The following USP54 variants were observed in gnomAD, a reference collection of about 807,000 sequenced individuals.
The protein encoded by USP54 is ubiquitin carboxyl-terminal hydrolase 54.
A neutral mutation model predicts 170.5 loss-of-function variants in USP54; 87 were observed. The ratio of observed to expected loss-of-function variants is 0.51; its 90% CI spans 0.43 to 0.61. The LOEUF is 0.61. USP54 is among the 20% of genes least tolerant of loss of function. The pLI, the probability that USP54 is intolerant of heterozygous loss-of-function variation, is 0.00. For missense variants in USP54, 1,786 were observed against 2,047.8 expected (o/e 0.87, Z 2.47); for synonymous variants, 655 against 742.8 (o/e 0.88, Z 1.92).
intron 1 of USP54, among the ~76,000 whole-genome samples, chr10:73,586,721 T>C (rs1411097810): frequency 1.3e-5 from 2 of 152,238 alleles, no homozygotes; most frequent in Non-Finnish European, 2.9e-5. Flanking sequence ...AAACAATATT[T>C]GCTTCTGATT....
intron 20 of USP54, among the ~76,000 whole-genome samples, chr10:73,509,430 T>C (rs1455857908): frequency 6.8e-6 from 1 of 146,894 alleles, no homozygotes; most frequent in Non-Finnish European, 1.5e-5. Context: ...AGTGAAACCC[T>C]GTCTCTACCA....
At chr10:73,516,330 T>G (rs762728698) in intron 20 of USP54, 45 bp downstream of exon 20, 8 of 1,556,586 alleles carry the variant, frequency 5.1e-6, no homozygotes, top group Non-Finnish European at 6.9e-6. Flanking sequence ...TTTCAGCTTT[T>G]ATATGATCCT....
chr10:73,603,033 A>C (rs1023285248), intron 1 of USP54, among the ~76,000 whole-genome samples: 1 of 152,102 alleles, frequency 6.6e-6, no homozygotes, highest in Non-Finnish European at 1.5e-5. Flanking sequence ...AATCTAAGAA[A>C]GAACTCATCC....
intron 1 of USP54, among the ~76,000 whole-genome samples, chr10:73,584,619 A>G (rs1161538367): frequency 1.3e-5 from 2 of 152,158 alleles, no homozygotes; most frequent in African/African-American, 4.8e-5. Context: ...TCTTGTTAGG[A>G]TGATGAAATT....
rs1482114556 is a variant in USP54 at position 73,500,643 on chromosome 10, T to C, written c.4495+12A>G. On this transcript the variant is annotated intron_variant, in intron 23 of 23. Coordinates refer to ENST00000687698, the MANE Select transcript of USP54 (RefSeq NM_001391956.1). ...AAATTCTGGCATATAATATTAGATT[T>C]GGGGGAGTTACCTGGGAGTCTATTG... The C allele has an allele frequency of 6.3e-7, 1 of 1,584,696 alleles. No homozygotes were observed. The highest frequency in any genetic ancestry group is 1.1e-5 in the South Asian group (1 of 87,682).
At chr10:73,541,901 T>C (rs2066675975) in intron 7 of USP54, 163 bp from the exon 8 acceptor site, 2 of 635,750 alleles carry the variant, frequency 3.1e-6, no homozygotes, top group East Asian at 5.6e-5. Context: ...TAAGTACCTC[T>C]ACCTGTCCCC....
chr10:73,581,123 T>C (rs895622619), intron 1 of USP54, among the ~76,000 whole-genome samples: 2 of 152,246 alleles, frequency 1.3e-5, no homozygotes, highest in African/African-American at 4.8e-5. Context: ...CTAGGTATTT[T>C]ACCATAAAGA....
intron 1 of USP54, chr10:73,615,075 A>G (rs2080508709): frequency 1.3e-5 from 2 of 150,480 alleles, no homozygotes; most frequent in South Asian, 4.1e-4. Flanking sequence ...GGTGGCTCAC[A>G]TCTGTGGTGG....
chr10:73,519,424 C>A, intron 19 of USP54: 1 of 263,680 alleles, frequency 3.8e-6, no homozygotes, highest in Admixed American at 4.7e-5. Context: ...GGATAGGAAG[C>A]ACTGAAATCC....
rs1212283193 is a variant in USP54 at position 73,575,646 on chromosome 10, T to C, written c.13A>G (p.Arg5Gly). ...CCACGACCCCCTGAAAAATAATTTC[T>C]CTTCCAAGACATTATTGTTCACATT... MSWK[R>G]NYFSGGRGSV... The change falls in exon 3 of 24, where the codon AGA (arginine) becomes GGA (glycine). Residue 5 changes from arginine to glycine, a missense_variant. Arg to Gly is a moderately radical substitution (Grantham distance 125). Transcript: ENST00000687698. 1.2e-6 allele frequency: 2 copies of C among 1,607,188 alleles called. No individual in the cohort carries two copies. The highest frequency in any genetic ancestry group is 1.7e-6 in the Non-Finnish European group (2 of 1,177,746).
intron 4 of USP54, among the ~76,000 whole-genome samples, chr10:73,567,993 A>G (rs553142445): frequency 6.6e-6 from 1 of 152,162 alleles, no homozygotes; most frequent in East Asian, 1.9e-4. Flanking sequence ...AGCTCACTTC[A>G]GTGTTGAACT....
intron 1 of USP54, among the ~76,000 whole-genome samples, chr10:73,602,263 AG>A (rs2079223093): frequency 6.6e-6 from 1 of 152,198 alleles, no homozygotes; most frequent in Non-Finnish European, 1.5e-5. Context: ...ATGAAAAAAT[AG>A]TATAATAGCC....
At chr10:73,511,096 CTTTTTTTTTTTT>C (rs777196673) in intron 20 of USP54, among the ~76,000 whole-genome samples, 1 of 121,564 alleles carries the variant, frequency 8.2e-6, no homozygotes, top group African/African-American at 3.1e-5. Flanking sequence ...ATGAAAACAC[CTTTTTTTTTTTT>C]TTTTTTTTGA....
At chr10:73,513,230 G>A (rs959492827) in intron 20 of USP54, 1 of 152,124 alleles carries the variant, frequency 6.6e-6, no homozygotes, top group African/African-American at 2.4e-5. Flanking sequence ...TTGGGAGGCT[G>A]ACGCAGGCGG....
chr10:73,595,863 A>T (rs1415070475), upstream of USP54, among the ~76,000 whole-genome samples: 1 of 152,108 alleles, frequency 6.6e-6, no homozygotes, highest in Non-Finnish European at 1.5e-5. Flanking sequence ...TAATCCCAAC[A>T]CTTTGAGAGG....
At chr10:73,537,674 A>AT (rs2065518837) in intron 10 of USP54, 1 of 151,982 alleles carries the variant, frequency 6.6e-6, no homozygotes, top group Non-Finnish European at 1.5e-5. Flanking sequence ...AAGATCTGAA[A>AT]TTCTGAACTT....
intron 22 of USP54, 67 bp from the exon 23 acceptor site, chr10:73,500,905 A>G: frequency 6.6e-7 from 1 of 1,512,244 alleles, no homozygotes; most frequent in Non-Finnish European, 8.8e-7. Flanking sequence ...GTAGTTGGGT[A>G]AACACAGTGA....
At chr10:73,532,196 G>A (rs181521282) in intron 12 of USP54, among the ~76,000 whole-genome samples, 5 of 150,644 alleles carry the variant, frequency 3.3e-5, no homozygotes, top group South Asian at 2.1e-4. Flanking sequence ...TTTTTGAGAC[G>A]GAGTCTCGCT....
At chr10:73,520,032 AAC>A (rs2061663586) in intron 18 of USP54, 40 bp from the exon 19 acceptor site, 1 of 1,541,248 alleles carries the variant, frequency 6.5e-7, no homozygotes, top group African/African-American at 1.4e-5. Flanking sequence ...CAGAACACAA[AAC>A]ACAAATAAAA....
Sources: gnomAD v4.1 joint callset for allele counts (sites outside exome capture counted in the v4.1 genomes callset) on GRCh38, gnomAD v4.1.1 for gene constraint, MANE v1.5 for transcripts, NCBI Gene and HGNC (gene_info 2026-07-23, HGNC 2026-07-21) for gene names.